The following BIN3 variants were observed in gnomAD, a reference collection of about 807,000 sequenced individuals.
BIN3 encodes the protein bridging integrator 3.
BIN3 carries 41 observed loss-of-function variants against 38.2 expected under a neutral mutation model. The observed-to-expected ratio is 1.07, with a 90% CI of 0.84 to 1.39. The LOEUF (loss-of-function observed/expected upper bound fraction) is 1.39. Ranked by LOEUF, BIN3 falls within the 40% of genes most tolerant of loss-of-function variation. The pLI is 0.00. For missense variants in BIN3, 361 were observed against 324.3 expected (o/e 1.11, Z -0.87); for synonymous variants, 145 against 122.6 (o/e 1.18, Z -1.21).
chr8:22,660,906 G>A (rs1319022043), intron 1 of BIN3, among the ~76,000 whole-genome samples: 1 of 152,072 alleles, frequency 6.6e-6, no homozygotes, highest in Admixed American at 6.5e-5. Context: ...GTTTTTTTGA[G>A]ACAGGGTTTC....
At chr8:22,627,690 C>T (rs890108401) in intron 6 of BIN3, among the ~76,000 whole-genome samples, 14 of 152,356 alleles carry the variant, frequency 9.2e-5, no homozygotes, top group Middle Eastern at 3.4e-3. Context: ...CCCACCAAAA[C>T]CTCCTCTCCC....
intron 4 of BIN3, among the ~76,000 whole-genome samples, chr8:22,631,972 G>C (rs1802216841): frequency 6.6e-6 from 1 of 152,240 alleles, no homozygotes; most frequent in African/African-American, 2.4e-5. Context: ...GATGCCGTCT[G>C]TACCAGTGTC....
chr8:22,623,882 C>G, intron 8 of BIN3, 33 bp downstream of exon 8: 4 of 1,605,216 alleles, frequency 2.5e-6, no homozygotes, highest in Non-Finnish European at 3.4e-6. Context: ...CTGTGTATAC[C>G]AAGCCCAGGG....
chr8:22,632,721 T>TTTC (rs3060652), intron 4 of BIN3, among the ~76,000 whole-genome samples: 1 of 151,106 alleles, frequency 6.6e-6, no homozygotes, highest in Admixed American at 6.6e-5. Context: ...TTTTTTTTTT[T>TTTC]CAGACGGAGT....
intron 4 of BIN3, among the ~76,000 whole-genome samples, chr8:22,631,743 C>T (rs1339963640): frequency 6.6e-6 from 1 of 152,160 alleles, no homozygotes; most frequent in East Asian, 1.9e-4. Flanking sequence ...ATGAATGTGC[C>T]GCCCACCCCT....
At position 22,623,989 on chromosome 8, in the gene BIN3, C is replaced by T. The variant is rs866436164; in HGVS notation, c.541G>A (p.Glu181Lys). 2 of 1,612,830 alleles carry T rather than the reference C, an allele frequency of 1.2e-6. No individual in the cohort carries two copies. The highest frequency in any genetic ancestry group is 2.7e-5 in the African/African-American group (2 of 75,052). The change falls in exon 8 of 9, where the codon GAG becomes AAG. Residue 181 changes from glutamate (E) to lysine (K), a missense_variant. By Grantham distance (56) the Glu-to-Lys change is moderately conservative (BLOSUM62 1). Transcript: ENST00000276416. ...CTGCCGTAGAAGCGCGGCATCTCCT[C>T]CAGCAGCTGCCTGTTCTTGGCTTCA... Reference protein sequence around the residue: ...DFEAKNRQLLEEMPRFYGSRL... With the variant: ...DFEAKNRQLLKEMPRFYGSRL...
At chr8:22,632,024 T>C (rs4872524) in intron 4 of BIN3, among the ~76,000 whole-genome samples, 99,314 of 152,086 alleles carry the variant, frequency 0.65, 32,942 homozygotes, top group South Asian at 0.76. Flanking sequence ...AGACACATTG[T>C]GAATGCATTT....
intron 6 of BIN3, 31 bp from the exon 7 acceptor site, chr8:22,624,394 G>C (rs372335171): frequency 6.2e-7 from 1 of 1,601,668 alleles, no homozygotes; most frequent in African/African-American, 1.3e-5. Flanking sequence ...AGATGGGCCC[G>C]TTCTTGAAGG....
At chr8:22,633,059 C>T (rs1463693708) in intron 4 of BIN3, among the ~76,000 whole-genome samples, 1 of 152,174 alleles carries the variant, frequency 6.6e-6, no homozygotes, top group Non-Finnish European at 1.5e-5. Flanking sequence ...GTCAGGAAGT[C>T]AAGGAACTGA....
chr8:22,643,782 G>A (rs1032718534), intron 2 of BIN3, among the ~76,000 whole-genome samples: 5 of 152,244 alleles, frequency 3.3e-5, no homozygotes, highest in Admixed American at 1.3e-4. Flanking sequence ...AAGGAGAACC[G>A]TCAGGGGCTG....
chr8:22,655,860 A>C (rs1181551706), intron 1 of BIN3, among the ~76,000 whole-genome samples: 1 of 152,154 alleles, frequency 6.6e-6, no homozygotes, highest in African/African-American at 2.4e-5. Flanking sequence ...TAAAAATTCC[A>C]CCTTTGAAAA....
chr8:22,640,218 C>T (rs1802503198), intron 2 of BIN3, among the ~76,000 whole-genome samples: 1 of 151,926 alleles, frequency 6.6e-6, no homozygotes, highest in Non-Finnish European at 1.5e-5. Flanking sequence ...CACTCTGTCG[C>T]TCAGACTGGA....
At chr8:22,628,472 G>T (rs1317409502) in intron 6 of BIN3, among the ~76,000 whole-genome samples, 3 of 152,198 alleles carry the variant, frequency 2.0e-5, no homozygotes, top group Non-Finnish European at 4.4e-5. Flanking sequence ...AGCCAGGCAG[G>T]CCTGAGGGCT....
intron 2 of BIN3, among the ~76,000 whole-genome samples, chr8:22,642,082 G>A (rs1802581430): frequency 6.6e-6 from 1 of 152,212 alleles, no homozygotes; most frequent in Non-Finnish European, 1.5e-5. Context: ...AGCAGTGAGG[G>A]TAGGGACACA....
At chr8:22,637,014 A>G (rs1802388685) in intron 2 of BIN3, 52 bp from the exon 3 acceptor site, 1 of 1,547,412 alleles carries the variant, frequency 6.5e-7, no homozygotes, top group Admixed American at 1.7e-5. Flanking sequence ...CACGGTGGAA[A>G]AAACCTCCCA....
rs150961331 is a variant in BIN3 at position 22,657,180 on chromosome 8, C to T, written c.8+11864G>A. 2.8e-3 allele frequency among the ~76,000 whole-genome samples: 421 copies of T among 152,246 alleles called. 3 individuals are homozygous for T. The highest frequency in any genetic ancestry group is 9.4e-3 in the African/African-American group (390 of 41,548). Reference sequence around the variant, plus strand: ...CTAGTTCTGTGCACATAGTAAGCACCGGATGAATAATTAAATGAATGACTA... The same window carrying T: ...CTAGTTCTGTGCACATAGTAAGCACTGGATGAATAATTAAATGAATGACTA... On this transcript the variant is annotated intron_variant, in intron 1 of 8. Coordinates refer to ENST00000276416, the MANE Select transcript of BIN3 (RefSeq NM_018688.6).
rs188456671 is a variant in BIN3, at chr8:22,658,112, C to G, written c.8+10932G>C. ...AGAAATTAAGAGGGTTCTGCGCTCT[C>G]TGCCTCTGGAGTAGGAGTCCTTGAT... is the stretch of plus-strand genomic sequence containing the variant. On this transcript the variant is annotated intron_variant, in intron 1 of 8. Transcript: ENST00000276416. Among the ~76,000 whole-genome samples, 96 of 152,376 alleles carry G rather than the reference C, an allele frequency of 6.3e-4. 1 individual carries two copies. The highest frequency in any genetic ancestry group is 2.3e-3 in the African/African-American group (95 of 41,590).
intron 4 of BIN3, chr8:22,634,492 G>A (rs1435285326): frequency 6.6e-6 from 3 of 456,300 alleles, no homozygotes; most frequent in Non-Finnish European, 1.3e-5. Flanking sequence ...GGAAAGGTGT[G>A]TTTACACATC....
At chr8:22,642,671 C>G (rs758177164) in intron 2 of BIN3, among the ~76,000 whole-genome samples, 41 of 152,308 alleles carry the variant, frequency 2.7e-4, no homozygotes, top group Non-Finnish European at 4.4e-4. Context: ...AAAGTAACAT[C>G]TGTGACACAG....
Sources: gnomAD v4.1 joint callset for allele counts (sites outside exome capture counted in the v4.1 genomes callset) on GRCh38, gnomAD v4.1.1 for gene constraint, MANE v1.5 for transcripts, NCBI Gene and HGNC (gene_info 2026-07-23, HGNC 2026-07-21) for gene names.